Variants in PRKD1 observed in about 807,000 individuals in gnomAD.
PRKD1 encodes protein kinase D1, also known as serine/threonine-protein kinase D1.
PRKD1 carries 63 observed loss-of-function variants against 95.9 expected under a neutral mutation model. The observed-to-expected ratio is 0.66, with a 90% CI of 0.54 to 0.81. The LOEUF is 0.81. PRKD1 is among the 30% of genes least tolerant of loss of function. The pLI is 0.00. For missense variants in PRKD1, 1,048 were observed against 1,165.3 expected (o/e 0.90, Z 1.47); for synonymous variants, 425 against 423.1 (o/e 1.00, Z -0.05).
intron 14 of PRKD1, 80 bp from the exon 15 acceptor site, chr14:29,599,205 A>T: frequency 8.4e-7 from 1 of 1,188,402 alleles, no homozygotes; most frequent in Non-Finnish European, 1.2e-6. Context: ...GCCAAGAAAA[A>T]AAACTGACAA....
intron 1 of PRKD1, among the ~76,000 whole-genome samples, chr14:29,738,892 C>T (rs1397542980): frequency 1.3e-5 from 2 of 151,056 alleles, no homozygotes; most frequent in Non-Finnish European, 3.0e-5. Context: ...GCAGTGATGC[C>T]GCAATCTTGG....
chr14:29,755,338 A>G (rs957096588), intron 1 of PRKD1, among the ~76,000 whole-genome samples: 1 of 152,038 alleles, frequency 6.6e-6, no homozygotes, highest in African/African-American at 2.4e-5. Context: ...AAATTTCTCC[A>G]TAAAATATAA....
intron 1 of PRKD1, among the ~76,000 whole-genome samples, chr14:29,801,339 C>T (rs546972017): frequency 6.6e-6 from 1 of 152,132 alleles, no homozygotes; most frequent in Non-Finnish European, 1.5e-5. Context: ...CAGCAACACA[C>T]AGATAAGTGT....
intron 7 of PRKD1, 148 bp from the exon 8 acceptor site, chr14:29,634,689 G>T: frequency 9.1e-7 from 1 of 1,097,130 alleles, no homozygotes; most frequent in Non-Finnish European, 1.3e-6. Context: ...AGGCACCATG[G>T]TTCTGAAAGT....
intron 1 of PRKD1, among the ~76,000 whole-genome samples, chr14:29,832,638 G>C (rs1254840404): frequency 1.3e-5 from 2 of 152,022 alleles, no homozygotes; most frequent in Admixed American, 6.6e-5. Flanking sequence ...AACCTCCTCA[G>C]AGAAAACTGA....
chr14:29,597,611 T>C lies in PRKD1; in HGVS notation c.2314A>G (p.Ile772Val). The change falls in exon 16 of 18, where the codon ATC (isoleucine) becomes GTC (valine). Residue 772 changes from isoleucine to valine, a missense_variant. Transcript: ENST00000331968. ...GTGCCGCTTAGGCTTACATAGATGATGACCCCAACAGACCACATGTCTAGA... is the reference window on the plus strand; with the variant it reads ...GTGCCGCTTAGGCTTACATAGATGACGACCCCAACAGACCACATGTCTAGA... ...RSLDMWSVGV[I>V]IYVSLSGTFP... 6.2e-7 allele frequency: 1 copy of C among 1,614,138 alleles called. No individual in the cohort carries two copies. Among genetic ancestry groups the C allele is most frequent in the African/African-American group, 1.3e-5 (1 of 75,054 alleles).
rs542200449 is a variant in PRKD1, at chr14:29,594,159, CA to C, written c.2434+3331del. ...CCAAGATATAGGTATTATATTGTAT[CA>C]AGTCAACATCTACACTAACAGAAAA... On this transcript the variant is annotated intron_variant, in intron 16 of 17. Coordinates refer to ENST00000331968, the MANE Select transcript of PRKD1 (RefSeq NM_002742.3). 1.7e-3 allele frequency: 780 copies of C among 452,376 alleles called. 5 individuals carry two copies. The highest frequency in any genetic ancestry group is 1.7e-3 in the Non-Finnish European group (380 of 225,424). The allele number at this position is 452,376 out of a possible 1,614,324, so 28.0% of individuals were successfully genotyped here.
chr14:29,795,035 T>C lies in PRKD1; in HGVS notation c.265-69361A>G, dbSNP rs1278451792. 2.6e-5 allele frequency among the ~76,000 whole-genome samples: 4 copies of C among 152,126 alleles called. No individual in the cohort carries two copies. The East Asian group carries it at 7.7e-4, about 29-fold the overall frequency. ...ATTACTAAGTTGAACATTTTTCCTTTCAAAATTACTTTTCGTGTTTTCATT... is the reference window on the plus strand; with the variant it reads ...ATTACTAAGTTGAACATTTTTCCTTCCAAAATTACTTTTCGTGTTTTCATT... On this transcript the variant is annotated intron_variant, in intron 1 of 17. Transcript: ENST00000331968.
intron 16 of PRKD1, among the ~76,000 whole-genome samples, chr14:29,585,473 T>C (rs1892888939): frequency 6.6e-6 from 1 of 152,226 alleles, no homozygotes; most frequent in Non-Finnish European, 1.5e-5. Context: ...ACTGGGGATA[T>C]GATCTTGGAA....
At chr14:29,598,134 G>A (rs61426730) in intron 15 of PRKD1, among the ~76,000 whole-genome samples, 9,235 of 151,786 alleles carry the variant, frequency 0.061, 924 homozygotes, top group African/African-American at 0.21. Flanking sequence ...AAATTAGCCC[G>A]GCGTAGTGGT....
At chr14:29,891,659 T>G (rs1482963589) in intron 1 of PRKD1, among the ~76,000 whole-genome samples, 2 of 139,014 alleles carry the variant, frequency 1.4e-5, no homozygotes, top group African/African-American at 2.8e-5. Context: ...ATTTTTGGGG[T>G]TTTTTTTTTT....
At chr14:29,648,440 CAAGGGAGAATTAGACATCTTTTAACTATA>C (rs1334876332) in intron 4 of PRKD1, among the ~76,000 whole-genome samples, 2 of 151,990 alleles carry the variant, frequency 1.3e-5, no homozygotes, top group Admixed American at 6.6e-5. Context: ...AGGCAGGAGG[CAAGGGAGAATTAGACATCTTTTAACTATA>C]AAGCTTTTTA....
At chr14:29,615,222 T>C (rs1336148518) in intron 13 of PRKD1, among the ~76,000 whole-genome samples, 1 of 152,194 alleles carries the variant, frequency 6.6e-6, no homozygotes, top group East Asian at 1.9e-4. Context: ...CGAATGTCTA[T>C]AATATTTATA....
rs147350807 is a variant in PRKD1, at chr14:29,915,577, G to A, written c.264+11672C>T. On this transcript the variant is annotated intron_variant, in intron 1 of 17. Transcript: ENST00000331968. ...ATGCTGAAGGGGTGGGAAGTGGGGG[G>A]GAATCTTGCCACCAATAAGAGAATC... is the stretch of plus-strand genomic sequence containing the variant. Among the ~76,000 whole-genome samples, 3 of 152,082 alleles carry A rather than the reference G, an allele frequency of 2.0e-5. No individual in the cohort carries two copies. The East Asian group carries it at 5.8e-4, about 29-fold the overall frequency.
rs1449060809 is a variant in PRKD1 at position 29,676,390 on chromosome 14, A to G, written c.404-10182T>C. Among the ~76,000 whole-genome samples the G allele has an allele frequency of 2.0e-5, 3 of 152,040 alleles. No homozygotes were observed. The East Asian group carries it at 5.8e-4, about 30-fold the overall frequency. On this transcript the variant is annotated intron_variant, in intron 2 of 17. Transcript: ENST00000331968. The stretch of plus-strand genomic sequence containing the variant: ...AGGTGGAGGTCAAAGGAGTCTCGCT[A>G]TGTCGCCAGGCTGAAGTGCAGTGGC...
chr14:29,597,400 T>G, intron 16 of PRKD1, 91 bp downstream of exon 16: 2 of 1,290,950 alleles, frequency 1.5e-6, no homozygotes, highest in Non-Finnish European at 2.1e-6. Flanking sequence ...GAGCATGTAT[T>G]AAGTTAATAA....
At chr14:29,592,021 G>T (rs997529707) in intron 16 of PRKD1, among the ~76,000 whole-genome samples, 4 of 152,092 alleles carry the variant, frequency 2.6e-5, no homozygotes, top group African/African-American at 9.7e-5. Flanking sequence ...CATAGATAAA[G>T]TAAATTTAAA....
intron 13 of PRKD1, among the ~76,000 whole-genome samples, chr14:29,611,838 C>T (rs1878492031): frequency 6.6e-6 from 1 of 150,554 alleles, no homozygotes; most frequent in South Asian, 2.1e-4. Context: ...GATTTTTCTT[C>T]TACTTGGCAT....
chr14:29,832,197 C>T (rs1891437971), intron 1 of PRKD1, among the ~76,000 whole-genome samples: 1 of 152,108 alleles, frequency 6.6e-6, no homozygotes, highest in African/African-American at 2.4e-5. Context: ...AGAGATAGTT[C>T]CCACCCCACC....
Sources: gnomAD v4.1 joint callset for allele counts (sites outside exome capture counted in the v4.1 genomes callset) on GRCh38, gnomAD v4.1.1 for gene constraint, MANE v1.5 for transcripts, NCBI Gene and HGNC (gene_info 2026-07-23, HGNC 2026-07-21) for gene names.